The following SNX3 variants were observed in gnomAD, a reference collection of about 807,000 sequenced individuals.
The protein encoded by SNX3 is sorting nexin 3.
A neutral mutation model predicts 17.7 loss-of-function variants in SNX3; 5 were observed. The ratio of observed to expected loss-of-function variants is 0.28; its 90% CI spans 0.15 to 0.59. The LOEUF (loss-of-function observed/expected upper bound fraction) is 0.59. SNX3 is among the 20% of genes least tolerant of loss of function. The pLI is 0.88. For missense variants in SNX3, 132 were observed against 206.8 expected (o/e 0.64, Z 2.22); for synonymous variants, 91 against 76.5 (o/e 1.19, Z -0.99).
intron 1 of SNX3, among the ~76,000 whole-genome samples, chr6:108,234,324 G>A (rs894681148): frequency 1.3e-5 from 2 of 151,890 alleles, no homozygotes; most frequent in Admixed American, 1.3e-4. Context: ...AGGCCGAGGC[G>A]GGTGGATCAC....
At chr6:108,240,076 A>C (rs1775470120) in intron 1 of SNX3, among the ~76,000 whole-genome samples, 1 of 152,226 alleles carries the variant, frequency 6.6e-6, no homozygotes, top group Admixed American at 6.5e-5. Context: ...TCCAAAATTC[A>C]ATGAAAAAAC....
chr6:108,220,532 T>C (rs950741119), intron 2 of SNX3, among the ~76,000 whole-genome samples: 2 of 152,154 alleles, frequency 1.3e-5, no homozygotes, highest in African/African-American at 4.8e-5. Flanking sequence ...AGCCTAGGTG[T>C]GTAGTAGGCT....
intron 1 of SNX3, among the ~76,000 whole-genome samples, chr6:108,252,965 A>G (rs2114767079): frequency 6.6e-6 from 1 of 152,280 alleles, no homozygotes; most frequent in East Asian, 1.9e-4. Flanking sequence ...GAAAAAAGAA[A>G]ATAGCAGTTC....
chr6:108,235,687 G>A (rs1008863307), intron 1 of SNX3, among the ~76,000 whole-genome samples: 1 of 152,128 alleles, frequency 6.6e-6, no homozygotes, highest in African/African-American at 2.4e-5. Flanking sequence ...CTTGAGGTCA[G>A]GAGATCACGA....
intron 1 of SNX3, among the ~76,000 whole-genome samples, chr6:108,244,741 C>T (rs1426551141): frequency 7.6e-6 from 1 of 131,410 alleles, no homozygotes; most frequent in African/African-American, 2.9e-5. Context: ...CTCGTGGGTT[C>T]AAGAAATTCT....
At chr6:108,237,868 T>G (rs1429896358) in intron 1 of SNX3, among the ~76,000 whole-genome samples, 1 of 150,440 alleles carries the variant, frequency 6.6e-6, no homozygotes, top group East Asian at 2.0e-4. Context: ...AAGGCTGAGG[T>G]GGGCTGATCA....
chr6:108,216,075 T>G lies in SNX3; in HGVS notation c.259-1453A>C, dbSNP rs1016637841. ...TAAGTTTTGTACTGGGGGGCTTTCTTGTGCATTCTTTTCTTTCTTGAGATG... is the reference window on the plus strand; with the variant it reads ...TAAGTTTTGTACTGGGGGGCTTTCTGGTGCATTCTTTTCTTTCTTGAGATG... On this transcript the variant is annotated intron_variant, in intron 2 of 3. Transcript: ENST00000230085. 6.6e-5 allele frequency among the ~76,000 whole-genome samples: 10 copies of G among 152,266 alleles called. No individual in the cohort carries two copies. In the East Asian group the frequency reaches 1.9e-3, roughly 29 times the overall value.
intron 3 of SNX3, 89 bp downstream of exon 3, chr6:108,214,409 A>G: frequency 1.5e-6 from 2 of 1,305,946 alleles, no homozygotes; most frequent in South Asian, 1.4e-5. Flanking sequence ...TGGCTGAAAG[A>G]AAAGGCAACA....
chr6:108,218,801 G>A (rs143533943), intron 2 of SNX3, among the ~76,000 whole-genome samples: 80 of 152,340 alleles, frequency 5.3e-4, no homozygotes, highest in African/African-American at 1.8e-3. Context: ...TGCCCAGAAT[G>A]GGCAAATCCA....
At chr6:108,226,559 GT>G (rs1297085244) in intron 1 of SNX3, among the ~76,000 whole-genome samples, 1 of 152,116 alleles carries the variant, frequency 6.6e-6, no homozygotes, top group Non-Finnish European at 1.5e-5. Context: ...ACTAAAAAGT[GT>G]TTTACAATTG....
intron 2 of SNX3, among the ~76,000 whole-genome samples, chr6:108,216,897 C>T (rs982965282): frequency 1.3e-5 from 2 of 152,180 alleles, no homozygotes; most frequent in African/African-American, 4.8e-5. Flanking sequence ...ATGGATTTGT[C>T]TCCGTAAATT....
At chr6:108,260,703 G>C in intron 1 of SNX3, 57 bp downstream of exon 1, 4 of 1,600,346 alleles carry the variant, frequency 2.5e-6, no homozygotes, top group South Asian at 1.1e-5. Flanking sequence ...CGGGTCGAGT[G>C]GGGGTGACCA....
intron 1 of SNX3, among the ~76,000 whole-genome samples, chr6:108,236,375 ATTATTTTTTTTT>A (rs1562430753): frequency 8.2e-6 from 1 of 122,376 alleles, no homozygotes; most frequent in Non-Finnish European, 1.6e-5. Context: ...TATTATTATT[ATTATTTTTTTTT>A]TTTTTTTTTT....
chr6:108,224,225 T>A (rs1472408083), intron 1 of SNX3, among the ~76,000 whole-genome samples: 1 of 152,150 alleles, frequency 6.6e-6, no homozygotes, highest in African/African-American at 2.4e-5. Flanking sequence ...CGCCTTGGCC[T>A]CCCGGGTAGC....
At chr6:108,215,348 A>AG (rs1774536694) in intron 2 of SNX3, among the ~76,000 whole-genome samples, 1 of 144,480 alleles carries the variant, frequency 6.9e-6, no homozygotes, top group African/African-American at 2.8e-5. Flanking sequence ...GACTCCGTCT[A>AG]GAAAAAAAAA....
intron 1 of SNX3, among the ~76,000 whole-genome samples, chr6:108,236,941 TTACTC>T (rs1775364136): frequency 6.6e-6 from 1 of 152,174 alleles, no homozygotes; most frequent in South Asian, 2.1e-4. Context: ...TTACAATACT[TTACTC>T]CTTTCATAAA....
At chr6:108,251,455 T>C (rs992805838) in intron 1 of SNX3, among the ~76,000 whole-genome samples, 1 of 152,204 alleles carries the variant, frequency 6.6e-6, no homozygotes, top group Non-Finnish European at 1.5e-5. Flanking sequence ...CAGCTTCTTT[T>C]GTAGCTAAGT....
intron 2 of SNX3, among the ~76,000 whole-genome samples, chr6:108,220,805 C>G (rs1774738970): frequency 6.6e-6 from 1 of 151,876 alleles, no homozygotes; most frequent in Non-Finnish European, 1.5e-5. Flanking sequence ...TGATGAAACC[C>G]CATCTCTACT....
chr6:108,224,805 G>A (rs1403137892), intron 1 of SNX3, among the ~76,000 whole-genome samples: 5 of 152,086 alleles, frequency 3.3e-5, no homozygotes, highest in Non-Finnish European at 7.3e-5. Context: ...AAAGGCGGAG[G>A]GCAAGTTTAA....
Sources: allele counts gnomAD v4.1 joint callset (sites outside exome capture counted in the v4.1 genomes callset), GRCh38; gene constraint gnomAD v4.1.1; transcripts MANE v1.5; gene names NCBI Gene and HGNC (gene_info 2026-07-23, HGNC 2026-07-21).